Variants in CNTNAP2 observed in about 807,000 individuals in gnomAD.
The protein encoded by CNTNAP2 is contactin associated protein 2.
A neutral mutation model predicts 155.2 loss-of-function variants in CNTNAP2; 98 were observed. The ratio of observed to expected loss-of-function variants is 0.63; its 90% CI spans 0.54 to 0.75. CNTNAP2 has a LOEUF of 0.75. Ranked by LOEUF, CNTNAP2 falls within the 30% of genes least tolerant of loss-of-function variation. The pLI is 0.00. For missense variants in CNTNAP2, 1,727 were observed against 1,688.1 expected (o/e 1.02, Z -0.40); for synonymous variants, 651 against 631.2 (o/e 1.03, Z -0.47).
chr7:147,319,762 C>T (rs1339075943), intron 9 of CNTNAP2, among the ~76,000 whole-genome samples: 1 of 151,920 alleles, frequency 6.6e-6, no homozygotes, highest in Non-Finnish European at 1.5e-5. Flanking sequence ...GGAAAAAATC[C>T]AAATTATTAG....
At chr7:146,866,758 G>A (rs572774326) in intron 3 of CNTNAP2, among the ~76,000 whole-genome samples, 1 of 152,134 alleles carries the variant, frequency 6.6e-6, no homozygotes, top group Admixed American at 6.6e-5. Flanking sequence ...ATTTGTAATA[G>A]AGCAGAGTTG....
chr7:148,099,576 C>T (rs1399165818), intron 15 of CNTNAP2, among the ~76,000 whole-genome samples: 2 of 151,874 alleles, frequency 1.3e-5, no homozygotes, highest in African/African-American at 2.4e-5. Flanking sequence ...TCCCCTTTTC[C>T]CCCAATGGCT....
chr7:146,672,825 C>T (rs528966328), intron 1 of CNTNAP2, among the ~76,000 whole-genome samples: 62 of 152,248 alleles, frequency 4.1e-4, no homozygotes, highest in Non-Finnish European at 8.7e-4. Flanking sequence ...CAATTGCAAT[C>T]TCATATTTGT....
intron 2 of CNTNAP2, among the ~76,000 whole-genome samples, chr7:146,810,039 G>A (rs750116411): frequency 1.3e-5 from 2 of 152,112 alleles, no homozygotes; most frequent in East Asian, 1.9e-4. Flanking sequence ...GGTATAAGAC[G>A]AGGGCCAATT....
intron 8 of CNTNAP2, among the ~76,000 whole-genome samples, chr7:147,290,405 G>C (rs535712629): frequency 6.6e-6 from 1 of 152,114 alleles, no homozygotes; most frequent in Non-Finnish European, 1.5e-5. Flanking sequence ...ACACTGGCAG[G>C]GTGCAGTGGC....
chr7:147,274,825 A>T (rs978537417), intron 8 of CNTNAP2, among the ~76,000 whole-genome samples: 2 of 151,930 alleles, frequency 1.3e-5, no homozygotes, highest in African/African-American at 4.8e-5. Context: ...TCAAGTTTTT[A>T]ATCTATCTTG....
At chr7:147,841,598 A>G (rs1393845122) in intron 13 of CNTNAP2, among the ~76,000 whole-genome samples, 1 of 152,208 alleles carries the variant, frequency 6.6e-6, no homozygotes, top group Non-Finnish European at 1.5e-5. Flanking sequence ...TCACATTTCT[A>G]GCTCATGAGG....
At chr7:147,357,592 C>T (rs1368979141) in intron 9 of CNTNAP2, among the ~76,000 whole-genome samples, 2 of 152,030 alleles carry the variant, frequency 1.3e-5, no homozygotes, top group African/African-American at 4.8e-5. Context: ...TCTTCTGCTC[C>T]TTAATTAGCA....
In CNTNAP2 at chr7:148,324,348, T is replaced by C. The variant is rs572384521; in HGVS notation, c.3475+57222T>C. 2.0e-5 allele frequency among the ~76,000 whole-genome samples: 3 copies of C among 152,194 alleles called. No individual in the cohort carries two copies. In the East Asian group the frequency reaches 5.8e-4, roughly 29 times the overall value. The stretch of plus-strand genomic sequence containing the variant: ...AACTGTCACCTTCTCCTGGCCTTCC[T>C]TGACCACTGTTTTTAATTGCAAATC... On this transcript the variant is annotated intron_variant, in intron 21 of 23. Coordinates refer to ENST00000361727, the MANE Select transcript of CNTNAP2 (RefSeq NM_014141.6).
intron 1 of CNTNAP2, among the ~76,000 whole-genome samples, chr7:146,444,951 G>A (rs1246823014): frequency 1.3e-5 from 2 of 151,720 alleles, no homozygotes; most frequent in African/African-American, 4.8e-5. Context: ...GCCACCCACC[G>A]AGACACATAA....
chr7:146,911,944 C>T (rs1283941040), intron 3 of CNTNAP2, among the ~76,000 whole-genome samples: 1 of 152,034 alleles, frequency 6.6e-6, no homozygotes, highest in Non-Finnish European at 1.5e-5. Flanking sequence ...TATGCCAAAA[C>T]ACATGGTATA....
At chr7:146,942,760 G>A (rs1012375678) in intron 3 of CNTNAP2, among the ~76,000 whole-genome samples, 19 of 152,094 alleles carry the variant, frequency 1.2e-4, no homozygotes, top group Admixed American at 1.2e-3. Context: ...GCCAATGTTA[G>A]TGTGTTTTGG....
At chr7:148,233,697 A>G (rs4725769) in intron 20 of CNTNAP2, among the ~76,000 whole-genome samples, 108,429 of 152,174 alleles carry the variant, frequency 0.71, 39,954 homozygotes, top group East Asian at 0.95. Flanking sequence ...CTTTAGACAC[A>G]TTTTCTCATT....
intron 16 of CNTNAP2, among the ~76,000 whole-genome samples, chr7:148,123,631 A>AGAAGGAAGGAAG (rs1416737483): frequency 6.1e-4 from 58 of 95,420 alleles, no homozygotes; most frequent in Middle Eastern, 6.2e-3. Flanking sequence ...AGGAAGGGAG[A>AGAAGGAAGGAAG]GCAGGAAGGA....
At chr7:146,799,235 C>A (rs931971506) in intron 2 of CNTNAP2, among the ~76,000 whole-genome samples, 8 of 152,074 alleles carry the variant, frequency 5.3e-5, no homozygotes, top group Admixed American at 1.3e-4. Flanking sequence ...AATCTGGGGA[C>A]CTTCCCTTGA....
At chr7:148,291,440 T>C (rs1219765196) in intron 21 of CNTNAP2, among the ~76,000 whole-genome samples, 1 of 152,018 alleles carries the variant, frequency 6.6e-6, no homozygotes. Context: ...AGTCCAATGT[T>C]CCAGGGCAGG....
At chr7:146,555,707 G>A (rs1798188952) in intron 1 of CNTNAP2, among the ~76,000 whole-genome samples, 1 of 152,162 alleles carries the variant, frequency 6.6e-6, no homozygotes, top group Admixed American at 6.5e-5. Flanking sequence ...ACGTGTTTGG[G>A]TGAGCAAGTG....
chr7:147,919,462 T>TCTTTC (rs1554449678), intron 14 of CNTNAP2, among the ~76,000 whole-genome samples: 25 of 62,098 alleles, frequency 4.0e-4, no homozygotes, highest in African/African-American at 1.9e-3. Context: ...TTTCTTTCTT[T>TCTTTC]TTTTTTTTTT....
intron 1 of CNTNAP2, among the ~76,000 whole-genome samples, chr7:146,720,978 C>A (rs1041755472): frequency 2.9e-4 from 35 of 121,926 alleles, no homozygotes; most frequent in African/African-American, 1.1e-3. Flanking sequence ...TATATATAGA[C>A]TATATATACT....
Sources: gnomAD v4.1 joint callset for allele counts (sites outside exome capture counted in the v4.1 genomes callset) on GRCh38, gnomAD v4.1.1 for gene constraint, MANE v1.5 for transcripts, NCBI Gene and HGNC (gene_info 2026-07-23, HGNC 2026-07-21) for gene names.